SNX29: variants seen among roughly 807,000 people sequenced by gnomAD.
SNX29 encodes sorting nexin-29.
A neutral mutation model predicts 102.1 loss-of-function variants in SNX29; 78 were observed. That is an observed-to-expected ratio of 0.76 (90% confidence interval 0.64 to 0.92). SNX29 has a LOEUF of 0.92. Among genes scored for constraint, SNX29 ranks in the 40% least tolerant of loss-of-function variants. The pLI is 0.00. For synonymous variants in SNX29, 580 were observed against 414.5 expected, an observed-to-expected ratio of 1.40 and a Z score of -4.85; for missense variants, 1,280 against 1,061.7, an observed-to-expected ratio of 1.21 and a Z score of -2.86.
chr16:12,514,760 G>A (rs1257124313), intron 19 of SNX29, among the ~76,000 whole-genome samples: 1 of 152,122 alleles, frequency 6.6e-6, no homozygotes, highest in African/African-American at 2.4e-5. Context: ...TCCTACTCGG[G>A]AGGCTGAGGC....
At position 12,572,192 on chromosome 16, in the gene SNX29, G is replaced by A. The variant is rs1241095966; in HGVS notation, c.*3563G>A. 5 of 959,908 alleles carry A rather than the reference G, an allele frequency of 5.2e-6. No homozygotes were observed. Among genetic ancestry groups the A allele is most frequent in the South Asian group, 5.0e-5 (1 of 19,816 alleles). The allele number at this position is 959,908 out of a possible 1,614,324, so 59.5% of individuals were successfully genotyped here. ...CATGTAATTTCTTAGAACCATGGCA[G>A]GTAGTATTGTGCTTTAAAAACCAGA... On this transcript the variant is annotated 3_prime_UTR_variant, in exon 21 of 21. Coordinates refer to ENST00000566228, the MANE Select transcript of SNX29 (RefSeq NM_032167.5).
chr16:12,352,118 A>G (rs1031886767), intron 15 of SNX29, among the ~76,000 whole-genome samples: 2 of 152,226 alleles, frequency 1.3e-5, no homozygotes, highest in Non-Finnish European at 2.9e-5. Flanking sequence ...AACCCACCCA[A>G]ATGTCCAACA....
chr16:12,475,839 G>A (rs1305981817), intron 18 of SNX29, among the ~76,000 whole-genome samples: 3 of 152,230 alleles, frequency 2.0e-5, no homozygotes, highest in Non-Finnish European at 4.4e-5. Context: ...GGGACTGTCT[G>A]TATTTCAAAA....
intron 13 of SNX29, among the ~76,000 whole-genome samples, chr16:12,144,755 T>G (rs1049855764): frequency 6.6e-6 from 1 of 152,262 alleles, no homozygotes; most frequent in South Asian, 2.1e-4. Flanking sequence ...GGAGTCTCGC[T>G]GTGTTACCCA....
In SNX29 at chr16:12,569,639, CAGAG is replaced by C. The variant is rs2079143370; in HGVS notation, c.*1011_*1014del. The C allele has an allele frequency of 2.6e-5, 1 of 38,708 alleles. No homozygotes were observed. Among genetic ancestry groups the C allele is most frequent in the Non-Finnish European group, 5.7e-5 (1 of 17,548 alleles). The allele number at this position is 38,708 out of a possible 1,614,324, so 2.4% of individuals were successfully genotyped here. On this transcript the variant is annotated 3_prime_UTR_variant, in exon 21 of 21. Coordinates refer to ENST00000566228, the MANE Select transcript of SNX29 (RefSeq NM_032167.5). ...TAACAGAACTCTGCATCCCCTAAGA[CAGAG>C]TCCTCTGTTCCTCCCATGTCAGGTG...
In SNX29 at chr16:12,572,558, C is replaced by CA. The variant is rs1567231307; in HGVS notation, c.*3930dup. On this transcript the variant is annotated 3_prime_UTR_variant, in exon 21 of 21. Transcript: ENST00000566228. ...GGGGCTGCGACACCATCTGGCTCCT[C>CA]ACAGGGAGGTCCAGCCATGTTCTCT... 1 of 1,063,706 alleles carries CA rather than the reference C, an allele frequency of 9.4e-7. No homozygotes were observed. Among genetic ancestry groups the CA allele is most frequent in the East Asian group, 5.0e-5 (1 of 19,942 alleles). The allele number at this position is 1,063,706 out of a possible 1,614,324, so 65.9% of individuals were successfully genotyped here.
intron 19 of SNX29, among the ~76,000 whole-genome samples, chr16:12,494,280 T>C (rs1010580148): frequency 1.7e-4 from 26 of 152,168 alleles, no homozygotes; most frequent in African/African-American, 5.6e-4. Flanking sequence ...CTGTGCCTCC[T>C]GCGTGCCTGG....
At chr16:12,207,791 G>C (rs1007275575) in intron 14 of SNX29, among the ~76,000 whole-genome samples, 1 of 152,128 alleles carries the variant, frequency 6.6e-6, no homozygotes, top group East Asian at 1.9e-4. Context: ...TGCTTGCTAC[G>C]AGCAGTAAGC....
intron 18 of SNX29, among the ~76,000 whole-genome samples, chr16:12,405,693 C>T (rs1235863044): frequency 1.3e-5 from 2 of 152,202 alleles, no homozygotes; most frequent in Admixed American, 1.3e-4. Flanking sequence ...TAGAAGGTGA[C>T]TCATTTAAAA....
At position 12,553,986 on chromosome 16, in the gene SNX29, G is replaced by A. The variant is rs557029107; in HGVS notation, c.2319-14520G>A. Among the ~76,000 whole-genome samples the A allele has an allele frequency of 2.0e-5, 3 of 151,980 alleles. 1 individual carries two copies. Among genetic ancestry groups the A allele is most frequent in the South Asian group, 2.1e-4 (1 of 4,826 alleles). On this transcript the variant is annotated intron_variant, in intron 20 of 20. Transcript: ENST00000566228. ...GGGACTACAGGCATCCACCACATTTGGCTAATTTTTGTATTTTTAGTAGAG... is the reference window on the plus strand; with the variant it reads ...GGGACTACAGGCATCCACCACATTTAGCTAATTTTTGTATTTTTAGTAGAG...
intron 18 of SNX29, among the ~76,000 whole-genome samples, chr16:12,461,830 C>A (rs539164932): frequency 2.0e-5 from 3 of 150,262 alleles, no homozygotes; most frequent in African/African-American, 4.9e-5. Flanking sequence ...GTGGCAGGTG[C>A]CTGTAATCCC....
intron 19 of SNX29, among the ~76,000 whole-genome samples, chr16:12,500,848 G>C (rs114535100): frequency 1.2e-3 from 182 of 152,292 alleles, no homozygotes; most frequent in African/African-American, 4.2e-3. Flanking sequence ...TATCAGATTG[G>C]ACCCTTCCAA....
At chr16:12,101,385 T>G (rs1423616167) in intron 11 of SNX29, among the ~76,000 whole-genome samples, 1 of 140,028 alleles carries the variant, frequency 7.1e-6, no homozygotes, top group African/African-American at 2.8e-5. Flanking sequence ...CCCCCAATTT[T>G]ATTTTTTTTT....
At position 12,061,537 on chromosome 16, in the gene SNX29, A is replaced by G. The variant is rs1298919126; in HGVS notation, c.1134A>G (p.Glu378=). The change falls in exon 9 of 21, where the codon GAA becomes GAG. Residue 378 remains glutamate, a synonymous_variant. Transcript: ENST00000566228. ...TATTCTTTCACCTTAGGCCACTGGA[A>G]GGGAACACCTGCCTCTCCCAGATGC... The part of the protein sequence containing the change: ...GHSESPEKPL[E]GNTCLSQMHS... 6.2e-7 allele frequency: 1 copy of G among 1,602,976 alleles called. No individual in the cohort carries two copies. Among genetic ancestry groups the G allele is most frequent in the Admixed American group, 1.7e-5 (1 of 58,592 alleles).
At chr16:12,534,934 A>G (rs2077032263) in intron 20 of SNX29, among the ~76,000 whole-genome samples, 1 of 152,156 alleles carries the variant, frequency 6.6e-6, no homozygotes, top group African/African-American at 2.4e-5. Context: ...ACCTCACAGG[A>G]TGGCCTCCTC....
chr16:12,301,851 C>T (rs762903413), intron 15 of SNX29, among the ~76,000 whole-genome samples: 3 of 152,196 alleles, frequency 2.0e-5, no homozygotes, highest in Admixed American at 6.5e-5. Flanking sequence ...TTCTCAGAGT[C>T]GAAGCTCTTT....
At chr16:12,014,968 C>T (rs941605625) in intron 3 of SNX29, among the ~76,000 whole-genome samples, 1 of 151,872 alleles carries the variant, frequency 6.6e-6, no homozygotes, top group Admixed American at 6.6e-5. Flanking sequence ...TTTTGGTCAA[C>T]TATTTTTTTT....
intron 11 of SNX29, among the ~76,000 whole-genome samples, chr16:12,102,848 G>A (rs1323646412): frequency 6.6e-6 from 1 of 152,166 alleles, no homozygotes; most frequent in Non-Finnish European, 1.5e-5. Flanking sequence ...AAGCTGATAA[G>A]CAACTTCAGT....
intron 18 of SNX29, among the ~76,000 whole-genome samples, chr16:12,434,521 G>T (rs2085448436): frequency 6.6e-6 from 1 of 152,148 alleles, no homozygotes. Context: ...GGAAGTGCTA[G>T]TCGGGGGTAA....
Sources: allele counts gnomAD v4.1 joint callset (sites outside exome capture counted in the v4.1 genomes callset), GRCh38; gene constraint gnomAD v4.1.1; transcripts MANE v1.5; gene names NCBI Gene and HGNC (gene_info 2026-07-23, HGNC 2026-07-21).